SLC8A3: variants seen among roughly 807,000 people sequenced by gnomAD.
SLC8A3 encodes solute carrier family 8 member A3, also known as sodium/calcium exchanger 3.
SLC8A3 carries 37 observed loss-of-function variants against 65.4 expected under a neutral mutation model. The observed-to-expected ratio is 0.57, with a 90% CI of 0.44 to 0.74. The LOEUF (loss-of-function observed/expected upper bound fraction) is 0.74. Ranked by LOEUF, SLC8A3 falls within the 30% of genes least tolerant of loss-of-function variation. The probability of loss-of-function intolerance (pLI) is 0.00; values close to 1 mark genes in which losing one functional copy is unlikely to be tolerated. For missense variants in SLC8A3, 1,112 were observed against 1,172.1 expected, an observed-to-expected ratio of 0.95 and a Z score of 0.75; for synonymous variants, 461 against 444.5, an observed-to-expected ratio of 1.04 and a Z score of -0.47.
intron 3 of SLC8A3, among the ~76,000 whole-genome samples, chr14:70,058,381 G>T (rs1053332317): frequency 2.0e-5 from 3 of 152,166 alleles, no homozygotes; most frequent in Admixed American, 2.0e-4. Flanking sequence ...AATACGGGAA[G>T]TACTGAAGAA....
At chr14:70,098,126 A>G (rs755442807) in intron 2 of SLC8A3, among the ~76,000 whole-genome samples, 1 of 152,148 alleles carries the variant, frequency 6.6e-6, no homozygotes, top group Non-Finnish European at 1.5e-5. Flanking sequence ...GGAAAGGGAG[A>G]TCAGAGGTTC....
intron 2 of SLC8A3, among the ~76,000 whole-genome samples, chr14:70,068,258 C>T (rs1317131819): frequency 6.6e-6 from 1 of 152,148 alleles, no homozygotes; most frequent in African/African-American, 2.4e-5. Context: ...ATTAGTTGAA[C>T]AGATGATTAA....
chr14:70,065,557 T>G (rs1051737765), intron 2 of SLC8A3, among the ~76,000 whole-genome samples: 8 of 152,182 alleles, frequency 5.3e-5, no homozygotes. Context: ...TGGGTGACCT[T>G]GGGCAATGCT....
intron 2 of SLC8A3, among the ~76,000 whole-genome samples, chr14:70,100,589 T>C (rs527843342): frequency 6.6e-6 from 1 of 152,334 alleles, no homozygotes; most frequent in South Asian, 2.1e-4. Flanking sequence ...GTGTTGGAAT[T>C]AATGGGAGCA....
chr14:70,117,033 T>A (rs1595012741), intron 2 of SLC8A3, among the ~76,000 whole-genome samples: 1 of 152,358 alleles, frequency 6.6e-6, no homozygotes, highest in South Asian at 2.1e-4. Context: ...CTTGATTTTT[T>A]TAAAAATTAC....
At position 70,046,099 on chromosome 14, in the gene SLC8A3, C is replaced by A. The variant is rs1310412996; in HGVS notation, c.2614G>T (p.Val872Leu). ...TGCGGCCGCCTTCGGTACAAGAGCA[C>A]GCTGATGCAGACAAATGCAAAGATG... Reference protein sequence around the residue: ...FTIFAFVCISVLLYRRRPHLG... With the variant: ...FTIFAFVCISLLLYRRRPHLG... Residue 872 changes from valine to leucine, a missense_variant, in exon 7 of 7, where the codon GTG (valine) becomes TTG (leucine). Physicochemically the swap from Val to Leu is conservative, Grantham distance 32. Transcript: ENST00000356921. The surrounding 1 kb of genome is among the most constrained non-coding windows in gnomAD (Gnocchi z 4.2). The A allele has an allele frequency of 6.2e-7, 1 of 1,614,180 alleles. No homozygotes were observed. The highest frequency in any genetic ancestry group is 8.5e-7 in the Non-Finnish European group (1 of 1,180,014).
chr14:70,111,854 C>T (rs564034818), intron 2 of SLC8A3, among the ~76,000 whole-genome samples: 34 of 152,254 alleles, frequency 2.2e-4, no homozygotes, highest in African/African-American at 8.2e-4. Context: ...CTGATTTTGA[C>T]AGGTAGTGCT....
At chr14:70,049,225 C>A (rs1463162783) in intron 5 of SLC8A3, among the ~76,000 whole-genome samples, 183 bp from the exon 6 acceptor site, 1 of 152,138 alleles carries the variant, frequency 6.6e-6, no homozygotes, top group Admixed American at 6.6e-5. Flanking sequence ...ATTTGGGCTG[C>A]CTCATAGGTC....
At chr14:70,142,608 T>C (rs1294000687) in intron 2 of SLC8A3, among the ~76,000 whole-genome samples, 1 of 152,218 alleles carries the variant, frequency 6.6e-6, no homozygotes, top group African/African-American at 2.4e-5. Flanking sequence ...TGATTTTCTC[T>C]TGGGGATCAC....
chr14:70,146,199 T>A (rs1324821494), intron 2 of SLC8A3, among the ~76,000 whole-genome samples: 2 of 152,162 alleles, frequency 1.3e-5, no homozygotes, highest in Non-Finnish European at 2.9e-5. Flanking sequence ...TTCGGCTGAA[T>A]AAAATGGTAA....
chr14:70,162,963 A>G (rs1594786021), intron 2 of SLC8A3, among the ~76,000 whole-genome samples: 1 of 152,210 alleles, frequency 6.6e-6, no homozygotes, highest in South Asian at 2.1e-4. Context: ...CCTTTATTCA[A>G]TCCATCTCAG....
At chr14:70,179,307 T>C (rs1179272818) in intron 1 of SLC8A3, among the ~76,000 whole-genome samples, 1 of 152,206 alleles carries the variant, frequency 6.6e-6, no homozygotes, top group Non-Finnish European at 1.5e-5. Context: ...GAAATCATCA[T>C]TGTTTTTGTT....
At position 70,051,997 on chromosome 14, in the gene SLC8A3, T is replaced by G. The variant is rs1225927702; in HGVS notation, c.2006A>C (p.Glu669Ala). The G allele has an allele frequency of 6.2e-7, 1 of 1,613,368 alleles. No individual in the cohort carries two copies. Among genetic ancestry groups the G allele is most frequent in the South Asian group, 1.1e-5 (1 of 91,012 alleles). The change falls in exon 4 of 7, where the codon GAG (glutamate) becomes GCG (alanine). Residue 669 changes from glutamate (E) to alanine (A), a missense_variant. Coordinates refer to ENST00000356921, the MANE Select transcript of SLC8A3 (RefSeq NM_182932.3). ...KLEVIIEESY[E>A]FKTTVDKLIK... ...CCTCACTGTTTGCCTGACCTTGAAC[T>G]CATAGGACTCTTCAATGATGACTTC...
chr14:70,154,785 T>C (rs1160085845), intron 2 of SLC8A3, among the ~76,000 whole-genome samples: 1 of 152,222 alleles, frequency 6.6e-6, no homozygotes, highest in African/African-American at 2.4e-5. Context: ...AATGATTTTT[T>C]TCCTTTTATT....
intron 2 of SLC8A3, among the ~76,000 whole-genome samples, chr14:70,079,619 G>A (rs774130202): frequency 2.2e-4 from 34 of 152,204 alleles, no homozygotes; most frequent in Admixed American, 1.2e-3. Flanking sequence ...TTCCATGTCC[G>A]GGCATCATAA....
chr14:70,096,815 A>G (rs569324169), intron 2 of SLC8A3, among the ~76,000 whole-genome samples: 1 of 152,194 alleles, frequency 6.6e-6, no homozygotes, highest in South Asian at 2.1e-4. Context: ...CATCTTTTCC[A>G]CTTTGGTCTT....
At chr14:70,067,549 T>G (rs780978808) in intron 2 of SLC8A3, among the ~76,000 whole-genome samples, 2 of 152,202 alleles carry the variant, frequency 1.3e-5, no homozygotes, top group Non-Finnish European at 2.9e-5. Context: ...CAAACATAAC[T>G]TGCTGAGTGA....
At position 70,051,080 on chromosome 14, in the gene SLC8A3, T is replaced by A. The variant is rs757371034; in HGVS notation, c.2041A>T (p.Thr681Ser). Residue 681 changes from threonine to serine, a missense_variant, in exon 5 of 7, where the codon ACA (threonine) becomes TCA (serine). Physicochemically the swap from Thr to Ser is moderately conservative, Grantham distance 58. Transcript: ENST00000356921. ...GTCCCCACAACCAAGGCCAGGTTTG[T>A]CTTCTTGATCAGTTTGTCCACCGTA... ...KTTVDKLIKK[T>S]NLALVVGTHS... The A allele has an allele frequency of 6.2e-7, 1 of 1,613,610 alleles. No homozygotes were observed.
intron 2 of SLC8A3, among the ~76,000 whole-genome samples, chr14:70,157,271 T>C (rs1896630100): frequency 1.3e-5 from 2 of 152,200 alleles, no homozygotes; most frequent in Non-Finnish European, 1.5e-5. Context: ...CCCTTCTAAG[T>C]GACTCTGTCT....
Sources: gnomAD v4.1 joint callset for allele counts (sites outside exome capture counted in the v4.1 genomes callset) on GRCh38, gnomAD v4.1.1 for gene constraint, Gnocchi (gnomAD v3.1) non-coding constraint, MANE v1.5 for transcripts, NCBI Gene and HGNC (gene_info 2026-07-23, HGNC 2026-07-21) for gene names.